The following GPC6 variants were observed in gnomAD, a reference collection of about 807,000 sequenced individuals.
The protein encoded by GPC6 is glypican-6.
Under a neutral mutation model 55.2 loss-of-function variants are expected in GPC6, and 14 were observed. That is an observed-to-expected ratio of 0.25 (90% CI 0.17 to 0.40). The LOEUF is 0.40. Among genes scored for constraint, GPC6 ranks in the 10% least tolerant of loss-of-function variants. GPC6 has a pLI of 1.00. For synonymous variants in GPC6, 278 were observed against 259.6 expected (o/e 1.07, Z -0.68); for missense variants, 641 against 708.5 (o/e 0.90, Z 1.08).
intron 4 of GPC6, among the ~76,000 whole-genome samples, chr13:94,211,780 A>T (rs527736168): frequency 6.6e-6 from 1 of 152,364 alleles, no homozygotes; most frequent in African/African-American, 2.4e-5. Flanking sequence ...GCCCTATTAT[A>T]TACCAACAGA....
At chr13:93,439,895 G>T (rs2139286833) in intron 1 of GPC6, among the ~76,000 whole-genome samples, 1 of 152,018 alleles carries the variant, frequency 6.6e-6, no homozygotes, top group African/African-American at 2.4e-5. Context: ...ACCTCTCTAA[G>T]CCTTAGTTTT....
intron 4 of GPC6, among the ~76,000 whole-genome samples, chr13:94,075,886 A>G (rs1360632026): frequency 6.6e-6 from 1 of 152,052 alleles, no homozygotes; most frequent in Non-Finnish European, 1.5e-5. Context: ...TTGGGTTGTT[A>G]TCTTGGCTAA....
chr13:93,887,059 T>G (rs1251879746), intron 3 of GPC6, among the ~76,000 whole-genome samples: 1 of 152,078 alleles, frequency 6.6e-6, no homozygotes, highest in Non-Finnish European at 1.5e-5. Context: ...GACACTGGAT[T>G]ATCTGTTTAG....
intron 2 of GPC6, among the ~76,000 whole-genome samples, chr13:93,692,524 G>C (rs1594376419): frequency 6.6e-6 from 1 of 152,026 alleles, no homozygotes. Context: ...TTAACTGTAA[G>C]ATAGTTCTAG....
At chr13:93,795,395 CTAGG>C (rs1886164280) in intron 2 of GPC6, among the ~76,000 whole-genome samples, 1 of 152,166 alleles carries the variant, frequency 6.6e-6, no homozygotes, top group Non-Finnish European at 1.5e-5. Flanking sequence ...CCCTCAACTG[CTAGG>C]AATAGCTTTT....
chr13:93,346,389 A>G (rs979085085), intron 1 of GPC6, among the ~76,000 whole-genome samples: 2 of 152,196 alleles, frequency 1.3e-5, no homozygotes, highest in African/African-American at 4.8e-5. Context: ...TCAGTAGGCA[A>G]GTAGAGAACA....
intron 4 of GPC6, among the ~76,000 whole-genome samples, chr13:94,247,088 A>G (rs1313343499): frequency 6.6e-6 from 1 of 152,064 alleles, no homozygotes; most frequent in African/African-American, 2.4e-5. Context: ...GGTTAAACTT[A>G]TTCCTAAGGT....
chr13:94,316,055 C>G (rs1224366865), intron 6 of GPC6, among the ~76,000 whole-genome samples: 2 of 152,150 alleles, frequency 1.3e-5, no homozygotes, highest in African/African-American at 4.8e-5. Flanking sequence ...AGATTGGACA[C>G]CCCCACTTTA....
intron 1 of GPC6, among the ~76,000 whole-genome samples, chr13:93,535,607 CCCAA>C (rs1882029774): frequency 6.6e-6 from 1 of 151,524 alleles, no homozygotes; most frequent in South Asian, 2.1e-4. Flanking sequence ...ATATGTTTTC[CCCAA>C]CCATGGCTCA....
chr13:93,566,417 T>C (rs1204483589), intron 2 of GPC6, among the ~76,000 whole-genome samples: 1 of 151,204 alleles, frequency 6.6e-6, no homozygotes, highest in Admixed American at 6.6e-5. Flanking sequence ...GATAACACTT[T>C]TAGAAAGTAA....
intron 2 of GPC6, among the ~76,000 whole-genome samples, chr13:93,774,430 G>A (rs1885397490): frequency 6.6e-6 from 1 of 152,056 alleles, no homozygotes; most frequent in African/African-American, 2.4e-5. Context: ...TTTTTAACTT[G>A]ATCAGGAGAT....
chr13:94,398,146 G>C (rs543553870), intron 7 of GPC6, among the ~76,000 whole-genome samples: 2 of 151,556 alleles, frequency 1.3e-5, no homozygotes, highest in African/African-American at 4.8e-5. Context: ...GTATGTTTCA[G>C]TGTGAGAACA....
At chr13:94,160,378 A>C (rs1437146863) in intron 4 of GPC6, among the ~76,000 whole-genome samples, 1 of 152,222 alleles carries the variant, frequency 6.6e-6, no homozygotes, top group Non-Finnish European at 1.5e-5. Context: ...TTATGGTCTT[A>C]TATCCTATAT....
chr13:94,185,533 G>A (rs1359361420), intron 4 of GPC6, among the ~76,000 whole-genome samples: 1 of 151,460 alleles, frequency 6.6e-6, no homozygotes, highest in African/African-American at 2.4e-5. Flanking sequence ...ACTAAATATT[G>A]GTTTTCTCAT....
intron 3 of GPC6, among the ~76,000 whole-genome samples, chr13:93,845,534 GTATGTT>G (rs1888139953): frequency 7.1e-6 from 1 of 140,672 alleles, no homozygotes; most frequent in Admixed American, 7.7e-5. Context: ...ACATGCACAT[GTATGTT>G]TATTGCGGCA....
At chr13:93,639,634 T>C (rs908584887) in intron 2 of GPC6, among the ~76,000 whole-genome samples, 9 of 152,146 alleles carry the variant, frequency 5.9e-5, no homozygotes, top group African/African-American at 1.9e-4. Context: ...ATATCTGGAA[T>C]TAAAGCATAC....
chr13:94,168,050 G>T (rs1888426962), intron 4 of GPC6, among the ~76,000 whole-genome samples: 1 of 152,136 alleles, frequency 6.6e-6, no homozygotes, highest in African/African-American at 2.4e-5. Flanking sequence ...TTATCTTCCA[G>T]CCTTACAGCA....
At chr13:93,995,716 A>G (rs1408136952) in intron 3 of GPC6, among the ~76,000 whole-genome samples, 1 of 152,202 alleles carries the variant, frequency 6.6e-6, no homozygotes, top group African/African-American at 2.4e-5. Context: ...AGAATTCAAA[A>G]TATTTTTCTC....
chr13:93,422,860 A>G lies in GPC6; in HGVS notation c.161-122403A>G, dbSNP rs905314662. 2.0e-5 allele frequency among the ~76,000 whole-genome samples: 3 copies of G among 152,230 alleles called. No homozygotes were observed. In the East Asian group the frequency reaches 5.8e-4, roughly 29 times the overall value. On this transcript the variant is annotated intron_variant, in intron 1 of 8. Coordinates refer to ENST00000377047, the MANE Select transcript of GPC6 (RefSeq NM_005708.5). ...CTGCTCTTGATGGTTCTAGTTAGCA[A>G]CATGAGAGAGAGAATATGCTTACAC...
Sources: gnomAD v4.1 joint callset for allele counts (sites outside exome capture counted in the v4.1 genomes callset) on GRCh38, gnomAD v4.1.1 for gene constraint, MANE v1.5 for transcripts, NCBI Gene and HGNC (gene_info 2026-07-23, HGNC 2026-07-21) for gene names.